DSG2: variants seen among roughly 807,000 people sequenced by gnomAD.
The protein encoded by DSG2 is desmoglein 2, also known as desmoglein-2.
Under a neutral mutation model 75.6 loss-of-function variants are expected in DSG2, and 45 were observed. The ratio of observed to expected loss-of-function variants is 0.60; its 90% CI spans 0.47 to 0.76. The LOEUF is 0.76. Among genes scored for constraint, DSG2 ranks in the 30% least tolerant of loss-of-function variants. The pLI is 0.00. For missense variants in DSG2, 1,267 were observed against 1,357.4 expected (o/e 0.93, Z 1.05); for synonymous variants, 429 against 483.9 (o/e 0.89, Z 1.49).
intron 1 of DSG2, among the ~76,000 whole-genome samples, chr18:31,506,177 C>T (rs1266111799): frequency 1.3e-5 from 2 of 152,068 alleles, no homozygotes; most frequent in Non-Finnish European, 2.9e-5. Flanking sequence ...TGAATCAAAC[C>T]CAGGTTCACC....
rs1490510519 is a variant in DSG2, at chr18:31,534,387, C to G, written c.1281-883C>G. On this transcript the variant is annotated intron_variant, in intron 9 of 14. Coordinates refer to ENST00000261590, the MANE Select transcript of DSG2 (RefSeq NM_001943.5). ...TCTCCTTGCTTTGAGGGAAGAAACC[C>G]AGAAACGATTTTATCGGCATTGTTT... Among the ~76,000 whole-genome samples the G allele has an allele frequency of 2.0e-5, 3 of 152,118 alleles. 1 individual carries two copies. In the East Asian group the frequency reaches 5.8e-4, roughly 29 times the overall value.
rs769731397 is a variant in DSG2, at chr18:31,548,281, T to G, written c.*1538T>G. ...AACAATGTTTCAAAATATATGTGCATTATCAGTAATAATTTGTATAAATAT... is the reference window on the plus strand; with the variant it reads ...AACAATGTTTCAAAATATATGTGCAGTATCAGTAATAATTTGTATAAATAT... On this transcript the variant is annotated 3_prime_UTR_variant, in exon 15 of 15. Transcript: ENST00000261590. The G allele has an allele frequency of 6.6e-6, 1 of 152,212 alleles. No homozygotes were observed. The highest frequency in any genetic ancestry group is 1.5e-5 in the Non-Finnish European group (1 of 68,016). The allele number at this position is 152,212 out of a possible 1,614,324, so 9.4% of individuals were successfully genotyped here.
Position 31,524,793 on chromosome 18 carries a change from C to G in DSG2, c.919C>G (p.Leu307Val), listed in dbSNP as rs1052070604. ...DADEIGSDNW[L>V]ANFTFASGNE... is the part of the protein sequence containing the mutation. Reference sequence around the variant, plus strand: ...AGATGAAATAGGTTCTGATAATTGGCTGGCAAATTTTACATTTGCATCAGG... The same window carrying G: ...AGATGAAATAGGTTCTGATAATTGGGTGGCAAATTTTACATTTGCATCAGG... The change falls in exon 8 of 15, where the codon CTG becomes GTG. Residue 307 changes from leucine to valine, a missense_variant. Leu to Val is a conservative substitution (Grantham distance 32, BLOSUM62 1). Coordinates refer to ENST00000261590, the MANE Select transcript of DSG2 (RefSeq NM_001943.5). 5 of 1,614,020 alleles carry G rather than the reference C, an allele frequency of 3.1e-6. No individual in the cohort carries two copies. In the African/African-American group the frequency reaches 5.3e-5, roughly 17 times the overall value.
At chr18:31,510,502 G>A (rs2073060877) in intron 1 of DSG2, among the ~76,000 whole-genome samples, 1 of 151,706 alleles carries the variant, frequency 6.6e-6, no homozygotes, top group South Asian at 2.1e-4. Context: ...GGTGACTTCA[G>A]AACAGAAAGT....
At chr18:31,499,976 A>T (rs925628119) in intron 1 of DSG2, among the ~76,000 whole-genome samples, 4 of 150,836 alleles carry the variant, frequency 2.7e-5, no homozygotes, top group Non-Finnish European at 5.9e-5. Context: ...ATTTTTGTCC[A>T]GAGAGTAGTG....
intron 1 of DSG2, among the ~76,000 whole-genome samples, chr18:31,511,011 C>T (rs1346298995): frequency 6.6e-6 from 1 of 152,100 alleles, no homozygotes; most frequent in African/African-American, 2.4e-5. Context: ...TTAAAAAGTG[C>T]CAGGGAGTGG....
intron 14 of DSG2, 54 bp from the exon 15 acceptor site, chr18:31,545,667 A>G: frequency 6.3e-7 from 1 of 1,587,180 alleles, no homozygotes; most frequent in Non-Finnish European, 8.6e-7. Context: ...AAATGAATTT[A>G]TATTGCTAAT....
chr18:31,539,441 G>A (rs1304577768), intron 12 of DSG2, among the ~76,000 whole-genome samples: 3 of 152,074 alleles, frequency 2.0e-5, no homozygotes, highest in African/African-American at 4.8e-5. Flanking sequence ...TCAGAGCTCC[G>A]CCTCCCTGAT....
In DSG2 at chr18:31,523,129, T is replaced by C. The variant is rs574338485; in HGVS notation, c.690+880T>C. Among the ~76,000 whole-genome samples the C allele has an allele frequency of 5.4e-4, 82 of 152,250 alleles. 2 individuals carry two copies. The highest frequency in any genetic ancestry group is 4.8e-3 in the South Asian group (23 of 4,820). On this transcript the variant is annotated intron_variant, in intron 6 of 14. Coordinates refer to ENST00000261590, the MANE Select transcript of DSG2 (RefSeq NM_001943.5). ...TCTTAGAGAAATGATTGGCCGGGCG[T>C]GGTGGCTCATGCCTGTAATGCCAGC...
At chr18:31,516,141 GT>G (rs139697229) in intron 1 of DSG2, among the ~76,000 whole-genome samples, 123 of 149,414 alleles carry the variant, frequency 8.2e-4, no homozygotes, top group African/African-American at 2.4e-3. Context: ...GAGGGATCTG[GT>G]TTTTTTTTTA....
intron 8 of DSG2, 60 bp downstream of exon 8, chr18:31,524,948 A>G (rs2073155119): frequency 6.6e-7 from 1 of 1,516,692 alleles, no homozygotes; most frequent in African/African-American, 1.4e-5. Context: ...GGAATCTAAT[A>G]TATTTTGAGC....
At position 31,531,060 on chromosome 18, in the gene DSG2, C is replaced by A. The variant is rs751527714; in HGVS notation, c.1088C>A (p.Ser363Ter). The stretch of plus-strand genomic sequence containing the variant: ...GCTAATAAAGCAGCTTTTCACAAGT[C>A]GATTAGGAGTAAATACAAGCCTACA... ...IVANKAAFHK[S>*]IRSKYKPTPI... Residue 363 changes from serine (S) to a stop codon, truncating the protein, a stop_gained, in exon 9 of 15, where the codon TCG becomes TAG. Coordinates refer to ENST00000261590, the MANE Select transcript of DSG2 (RefSeq NM_001943.5). LOFTEE classifies it high-confidence loss of function. The A allele has an allele frequency of 6.2e-7, 1 of 1,613,828 alleles. No individual in the cohort carries two copies. Among genetic ancestry groups the A allele is most frequent in the Non-Finnish European group, 8.5e-7 (1 of 1,179,962 alleles).
In DSG2 at chr18:31,525,174, G is replaced by A. The variant is rs116905757; in HGVS notation, c.1014+286G>A. Among the ~76,000 whole-genome samples, 160 of 152,142 alleles carry A rather than the reference G, an allele frequency of 1.1e-3. 2 individuals carry two copies. The highest frequency in any genetic ancestry group is 3.2e-3 in the Admixed American group (49 of 15,270). ...GGCTTTCTTGCAGCTCATACCTGGC[G>A]ATCACATTCTCACATCACAATCTCT... On this transcript the variant is annotated intron_variant, in intron 8 of 14. Coordinates refer to ENST00000261590, the MANE Select transcript of DSG2 (RefSeq NM_001943.5).
intron 1 of DSG2, among the ~76,000 whole-genome samples, chr18:31,512,111 C>T (rs538612488): frequency 6.6e-6 from 1 of 152,270 alleles, no homozygotes; most frequent in Admixed American, 6.5e-5. Context: ...GCTACTAACT[C>T]CTATATCCAA....
chr18:31,539,671 C>T (rs1046370882), intron 12 of DSG2, among the ~76,000 whole-genome samples: 2 of 152,222 alleles, frequency 1.3e-5, no homozygotes, highest in African/African-American at 4.8e-5. Flanking sequence ...AGAGGGCCGC[C>T]TCCAAGGCAG....
At chr18:31,525,469 T>C (rs1423409472) in intron 8 of DSG2, among the ~76,000 whole-genome samples, 1 of 151,214 alleles carries the variant, frequency 6.6e-6, no homozygotes, top group East Asian at 2.0e-4. Context: ...CAGTGAGCCG[T>C]GGTCACACTG....
intron 1 of DSG2, among the ~76,000 whole-genome samples, chr18:31,498,799 G>T (rs1400025344): frequency 6.6e-6 from 1 of 152,142 alleles, no homozygotes; most frequent in Non-Finnish European, 1.5e-5. Flanking sequence ...AGTGCAAAAA[G>T]TTGGCTAAAA....
At chr18:31,535,091 A>G (rs1295064892) in intron 9 of DSG2, among the ~76,000 whole-genome samples, 179 bp from the exon 10 acceptor site, 1 of 152,216 alleles carries the variant, frequency 6.6e-6, no homozygotes, top group African/African-American at 2.4e-5. Flanking sequence ...TTTAAGTGTG[A>G]CATGCAGTAA....
In DSG2 at chr18:31,535,507, T is replaced by C. The variant is rs2073224466; in HGVS notation, c.1423+95T>C. The C allele has an allele frequency of 4.9e-6, 6 of 1,214,526 alleles. No individual in the cohort carries two copies. The South Asian group carries it at 8.1e-5, about 16-fold the overall frequency. The allele number at this position is 1,214,526 out of a possible 1,614,324, so 75.2% of individuals were successfully genotyped here. A position where few individuals can be genotyped will look rare whatever the true frequency, so the allele number is the denominator to read the frequency against. ...ATTGATTTGATTGTGTATAAAAACC[T>C]AATCTCGGCCGGGAGCAGTGGCTCA... On this transcript the variant is annotated intron_variant, in intron 10 of 14. Coordinates refer to ENST00000261590, the MANE Select transcript of DSG2 (RefSeq NM_001943.5).
Sources: allele counts gnomAD v4.1 joint callset (sites outside exome capture counted in the v4.1 genomes callset), GRCh38; gene constraint gnomAD v4.1.1; transcripts MANE v1.5; gene names NCBI Gene and HGNC (gene_info 2026-07-23, HGNC 2026-07-21).